TBC1D19: variants seen among roughly 807,000 people sequenced by gnomAD.
The protein encoded by TBC1D19 is TBC1 domain family, member 19.
A neutral mutation model predicts 89.0 loss-of-function variants in TBC1D19; 60 were observed. The observed-to-expected ratio is 0.67, with a 90% CI of 0.55 to 0.84. The LOEUF (loss-of-function observed/expected upper bound fraction) is 0.84, where lower values mean the gene tolerates loss of function less well. TBC1D19 is among the 40% of genes least tolerant of loss of function. TBC1D19 has a pLI of 0.00. For missense variants in TBC1D19, 500 were observed against 610.8 expected, an observed-to-expected ratio of 0.82 and a Z score of 1.91; for synonymous variants, 189 against 199.7, an observed-to-expected ratio of 0.95 and a Z score of 0.45.
intron 12 of TBC1D19, among the ~76,000 whole-genome samples, chr4:26,685,549 A>G (rs541312444): frequency 3.9e-4 from 60 of 152,236 alleles, no homozygotes; most frequent in Non-Finnish European, 7.3e-4. Flanking sequence ...AGATAAAGAA[A>G]GAAATTTGTT....
intron 13 of TBC1D19, among the ~76,000 whole-genome samples, chr4:26,709,160 T>C (rs1715971532): frequency 6.6e-6 from 1 of 152,034 alleles, no homozygotes; most frequent in Non-Finnish European, 1.5e-5. Flanking sequence ...GTTTTAGTTT[T>C]TTTGAATGTT....
chr4:26,625,202 G>T (rs1742316297), intron 4 of TBC1D19, among the ~76,000 whole-genome samples: 1 of 152,042 alleles, frequency 6.6e-6, no homozygotes, highest in Non-Finnish European at 1.5e-5. Context: ...GGCTCATGAG[G>T]TTATGAAGCT....
chr4:26,711,596 C>T (rs1046336249), intron 13 of TBC1D19, among the ~76,000 whole-genome samples: 10 of 151,834 alleles, frequency 6.6e-5, no homozygotes, highest in Non-Finnish European at 8.8e-5. Context: ...ATAATTCTGC[C>T]GTATTAGCAT....
At chr4:26,838,409 C>T in the TBC1D19 span, among the ~76,000 whole-genome samples, 1 of 152,080 alleles carries the variant, frequency 6.6e-6, no homozygotes, top group African/African-American at 2.4e-5. Flanking sequence ...AGACATCTAG[C>T]AGTTTATTAA....
chr4:26,613,104 A>C (rs1741481581), intron 1 of TBC1D19, 65 bp from the exon 2 acceptor site: 1 of 1,161,238 alleles, frequency 8.6e-7, no homozygotes, highest in Admixed American at 2.7e-5. Context: ...TATCAACCCA[A>C]ATGATTTACT....
the TBC1D19 span, among the ~76,000 whole-genome samples, chr4:26,840,809 C>T: frequency 2.6e-5 from 4 of 152,184 alleles, no homozygotes; most frequent in African/African-American, 7.2e-5. Flanking sequence ...GATGGGATAA[C>T]GAGCATGTGC....
the TBC1D19 span, among the ~76,000 whole-genome samples, chr4:26,842,584 CTT>C: frequency 2.9e-3 from 124 of 43,092 alleles, 1 homozygote; most frequent in East Asian, 0.013. Flanking sequence ...TCCTCCCTCC[CTT>C]TCTTTCTTTC....
chr4:26,712,516 G>A (rs1470687237), intron 13 of TBC1D19, among the ~76,000 whole-genome samples: 1 of 152,036 alleles, frequency 6.6e-6, no homozygotes, highest in Admixed American at 6.6e-5. Flanking sequence ...GGCCCAGCCA[G>A]ACAATCCTAA....
chr4:26,683,757 A>C lies in TBC1D19; in HGVS notation c.891+8A>C. Reference sequence around the variant, plus strand: ...GACAGTCTAATCTATAAAGTAAGTAAAAGTCAGCTTAGTTTTTCCTTTTCA... The same window carrying C: ...GACAGTCTAATCTATAAAGTAAGTACAAGTCAGCTTAGTTTTTCCTTTTCA... On this transcript the variant is annotated splice_region_variant and intron_variant, in intron 12 of 20. Transcript: ENST00000264866. The C allele has an allele frequency of 1.9e-6, 3 of 1,605,320 alleles. No homozygotes were observed. Among genetic ancestry groups the C allele is most frequent in the Non-Finnish European group, 2.5e-6 (3 of 1,176,986 alleles).
At chr4:26,856,763 T>C in the TBC1D19 span, among the ~76,000 whole-genome samples, 1 of 152,232 alleles carries the variant, frequency 6.6e-6, no homozygotes, top group Admixed American at 6.5e-5. Context: ...TGCTTCAGCA[T>C]CTGTCAGTTA....
chr4:26,781,684 T>C, the TBC1D19 span, among the ~76,000 whole-genome samples: 68 of 152,342 alleles, frequency 4.5e-4, no homozygotes, highest in Non-Finnish European at 8.5e-4. Flanking sequence ...CTGACTTACA[T>C]CCAAATAGTT....
chr4:26,622,412 AAAG>A (rs905161058), intron 4 of TBC1D19, among the ~76,000 whole-genome samples: 4 of 152,094 alleles, frequency 2.6e-5, no homozygotes, highest in African/African-American at 7.2e-5. Flanking sequence ...TCATGACTGA[AAAG>A]AAGAGATAGA....
chr4:26,822,873 T>C, the TBC1D19 span, among the ~76,000 whole-genome samples: 4 of 152,288 alleles, frequency 2.6e-5, no homozygotes, highest in South Asian at 8.3e-4. Flanking sequence ...GCTGGTTACC[T>C]CTCCAGCAGG....
rs886568938 is a variant in TBC1D19 at position 26,620,480 on chromosome 4, A to G, written c.219-133A>G. The G allele has an allele frequency of 4.2e-6, 3 of 707,964 alleles. No homozygotes were observed. The African/African-American group carries it at 5.4e-5, about 13-fold the overall frequency. 43.9% of individuals were successfully genotyped at this position (707,964 alleles called of 1,614,324 possible). ...GTTGACTACATCAATCTATTTTCTT[A>G]ATAAAAACAGTACATTTTGAATATA... On this transcript the variant is annotated intron_variant, in intron 3 of 20. Coordinates refer to ENST00000264866, the MANE Select transcript of TBC1D19 (RefSeq NM_018317.4).
At chr4:26,802,521 G>T in the TBC1D19 span, among the ~76,000 whole-genome samples, 1 of 152,124 alleles carries the variant, frequency 6.6e-6, no homozygotes, top group Non-Finnish European at 1.5e-5. Flanking sequence ...AGAGTTGCTT[G>T]AACCTGGGAG....
At chr4:26,808,727 CAAAA>C in the TBC1D19 span, among the ~76,000 whole-genome samples, 2 of 95,112 alleles carry the variant, frequency 2.1e-5, no homozygotes, top group African/African-American at 8.9e-5. Context: ...GACTCTGTCT[CAAAA>C]AAAAAAAAAA....
chr4:26,653,101 A>G (rs1744521452), intron 7 of TBC1D19, among the ~76,000 whole-genome samples: 1 of 152,130 alleles, frequency 6.6e-6, no homozygotes, highest in Admixed American at 6.5e-5. Flanking sequence ...GAACATCTTT[A>G]TTTCTGCCTT....
intron 15 of TBC1D19, among the ~76,000 whole-genome samples, chr4:26,722,178 AG>A (rs1235715434): frequency 1.3e-5 from 2 of 152,160 alleles, no homozygotes; most frequent in African/African-American, 4.8e-5. Context: ...ACTCAATTAG[AG>A]GTTTGTTAAT....
upstream of TBC1D19, chr4:26,583,767 T>C (rs1435696221): frequency 5.2e-6 from 1 of 190,996 alleles, no homozygotes; most frequent in Admixed American, 5.4e-5. Context: ...GTGGTTGTAA[T>C]TCGCAGTATC....
Sources: allele counts gnomAD v4.1 joint callset (sites outside exome capture counted in the v4.1 genomes callset), GRCh38; gene constraint gnomAD v4.1.1; transcripts MANE v1.5; gene names NCBI Gene and HGNC (gene_info 2026-07-23, HGNC 2026-07-21).